The following C13orf42 variants were observed in gnomAD, a reference collection of about 807,000 sequenced individuals.
The protein encoded by C13orf42 is uncharacterized protein C13orf42.
chr13:51,170,283 G>C (rs1335416001), intron 1 of C13orf42, among the ~76,000 whole-genome samples: 2 of 152,168 alleles, frequency 1.3e-5, no homozygotes, highest in Non-Finnish European at 2.9e-5. Flanking sequence ...CACAAAGCCT[G>C]TTTGGTGGTC....
At chr13:51,156,444 A>G (rs569918845) in intron 1 of C13orf42, among the ~76,000 whole-genome samples, 2 of 152,330 alleles carry the variant, frequency 1.3e-5, no homozygotes, top group South Asian at 4.1e-4. Context: ...AAATTAAGGC[A>G]CAGAGAGGTC....
chr13:51,099,421 A>G (rs774488634), intron 1 of C13orf42, among the ~76,000 whole-genome samples: 15 of 152,258 alleles, frequency 9.9e-5, no homozygotes, highest in Non-Finnish European at 1.8e-4. Context: ...TCAGTGAAAT[A>G]GACAACTGAG....
intron 1 of C13orf42, among the ~76,000 whole-genome samples, chr13:51,134,088 T>C (rs189572265): frequency 1.3e-5 from 2 of 152,288 alleles, no homozygotes; most frequent in African/African-American, 2.4e-5. Context: ...GTAGGTAATT[T>C]ATGGTTTCTT....
chr13:51,114,260 G>A (rs1382957934), upstream of C13orf42, among the ~76,000 whole-genome samples: 1 of 152,156 alleles, frequency 6.6e-6, no homozygotes, highest in African/African-American at 2.4e-5. Flanking sequence ...CTACCTACCA[G>A]CTTAAGAAAG....
Position 51,132,215 on chromosome 13 carries a change from G to A in C13orf42, n.137-18993C>T, listed in dbSNP as rs975017066. ...CCCAGCACTTTGGGAGGCCGAGGCGGGCAGATCACAAGGTCAGGAGATCGA... is the reference window on the plus strand; with the variant it reads ...CCCAGCACTTTGGGAGGCCGAGGCGAGCAGATCACAAGGTCAGGAGATCGA... On this transcript the variant is annotated intron_variant and non_coding_transcript_variant, in intron 1 of 4. Coordinates refer to the C13orf42 transcript ENST00000433280. Among the ~76,000 whole-genome samples, 4 of 152,156 alleles carry A rather than the reference G, an allele frequency of 2.6e-5. No homozygotes were observed. The South Asian group carries it at 8.3e-4, about 31-fold the overall frequency.
At chr13:51,126,495 T>C (rs942198892) in intron 1 of C13orf42, among the ~76,000 whole-genome samples, 1 of 152,206 alleles carries the variant, frequency 6.6e-6, no homozygotes, top group Admixed American at 6.5e-5. Context: ...TTCCAGAATT[T>C]ACCTACAAAT....
chr13:51,132,387 C>T (rs867216880), intron 1 of C13orf42, among the ~76,000 whole-genome samples: 2 of 151,492 alleles, frequency 1.3e-5, no homozygotes, highest in East Asian at 1.9e-4. Flanking sequence ...GAGCCAGGAT[C>T]GCGCCACTGC....
intron 1 of C13orf42, among the ~76,000 whole-genome samples, chr13:51,136,411 G>T (rs373452096): frequency 6.6e-6 from 1 of 152,154 alleles, no homozygotes; most frequent in South Asian, 2.1e-4. Context: ...AGACAGAACC[G>T]TAAGGCTCAA....
intron 1 of C13orf42, among the ~76,000 whole-genome samples, chr13:51,142,941 T>A (rs959490393): frequency 1.3e-5 from 2 of 152,218 alleles, no homozygotes; most frequent in African/African-American, 4.8e-5. Flanking sequence ...AGGATCTATA[T>A]ATTTTTTAAA....
intron 1 of C13orf42, among the ~76,000 whole-genome samples, chr13:51,133,077 T>C (rs1165981747): frequency 6.6e-6 from 1 of 152,206 alleles, no homozygotes; most frequent in Non-Finnish European, 1.5e-5. Context: ...GAAATAACCA[T>C]AAAAATGGGC....
intron 1 of C13orf42, among the ~76,000 whole-genome samples, chr13:51,094,385 A>C (rs1413471426): frequency 6.6e-6 from 1 of 152,236 alleles, no homozygotes; most frequent in Non-Finnish European, 1.5e-5. Flanking sequence ...TTTGCAACTC[A>C]AACTAAAACG....
chr13:51,132,935 G>A (rs1953629434), intron 1 of C13orf42, among the ~76,000 whole-genome samples: 1 of 152,112 alleles, frequency 6.6e-6, no homozygotes, highest in South Asian at 2.1e-4. Flanking sequence ...GTGACCACTG[G>A]TCGTCCTCAC....
At chr13:51,149,046 G>A (rs1017655090) in intron 1 of C13orf42, among the ~76,000 whole-genome samples, 18 of 152,148 alleles carry the variant, frequency 1.2e-4, no homozygotes, top group Admixed American at 4.6e-4. Flanking sequence ...TGATAGTTTC[G>A]AGATTCTGAA....
chr13:51,156,122 T>C (rs1313103536), intron 1 of C13orf42, among the ~76,000 whole-genome samples: 1 of 151,904 alleles, frequency 6.6e-6, no homozygotes, highest in Non-Finnish European at 1.5e-5. Context: ...AACCCAGGGG[T>C]TCTCTTGGGG....
At chr13:51,111,653 C>A (rs4942951), upstream of C13orf42, among the ~76,000 whole-genome samples, 100,866 of 151,994 alleles carry the variant, frequency 0.66, 33,789 homozygotes, top group Non-Finnish European at 0.69. Flanking sequence ...GAATTTTTAC[C>A]TTTCCACCTG....
intron 1 of C13orf42, among the ~76,000 whole-genome samples, chr13:51,152,654 T>G (rs778019305): frequency 3.3e-5 from 5 of 152,208 alleles, no homozygotes; most frequent in African/African-American, 7.2e-5. Flanking sequence ...AGCATTCTGA[T>G]AGTGCAAAGT....
At chr13:51,108,644 C>T (rs544621696) in intron 1 of C13orf42, among the ~76,000 whole-genome samples, 5 of 152,344 alleles carry the variant, frequency 3.3e-5, no homozygotes, top group African/African-American at 9.6e-5. Flanking sequence ...GGAACAATTA[C>T]GTGCAGGAGC....
At chr13:51,123,560 A>G (rs1181936030) in intron 1 of C13orf42, among the ~76,000 whole-genome samples, 5 of 152,220 alleles carry the variant, frequency 3.3e-5, no homozygotes, top group Non-Finnish European at 5.9e-5. Context: ...AGCCCTAAAA[A>G]TGCCTGTGCA....
intron 1 of C13orf42, among the ~76,000 whole-genome samples, chr13:51,101,723 T>C (rs1953294305): frequency 6.6e-6 from 1 of 152,200 alleles, no homozygotes; most frequent in African/African-American, 2.4e-5. Context: ...TCACAGTTAG[T>C]GGCATAGATA....
Sources: gnomAD v4.1 joint callset for allele counts (sites outside exome capture counted in the v4.1 genomes callset) on GRCh38, gnomAD v4.1.1 for gene constraint, MANE v1.5 for transcripts, NCBI Gene and HGNC (gene_info 2026-07-23, HGNC 2026-07-21) for gene names.